RSPO2: variants seen among roughly 807,000 people sequenced by gnomAD.
RSPO2 encodes R-spondin-2.
RSPO2 carries 14 observed loss-of-function variants against 30.9 expected under a neutral mutation model. The ratio of observed to expected loss-of-function variants is 0.45; its 90% CI spans 0.30 to 0.71. RSPO2 has a LOEUF of 0.71. RSPO2 is among the 30% of genes least tolerant of loss of function. The pLI is 0.08. For synonymous variants in RSPO2, 107 were observed against 96.4 expected, an observed-to-expected ratio of 1.11 and a Z score of -0.64; for missense variants, 264 against 301.9, an observed-to-expected ratio of 0.87 and a Z score of 0.93.
At chr8:107,909,349 G>A (rs1249103224) in intron 5 of RSPO2, among the ~76,000 whole-genome samples, 43 of 141,366 alleles carry the variant, frequency 3.0e-4, no homozygotes, top group Admixed American at 2.0e-3. Context: ...TGCAACCTCC[G>A]CTTCCTGGCT....
intron 5 of RSPO2, among the ~76,000 whole-genome samples, chr8:107,948,314 G>A (rs1037849772): frequency 6.6e-6 from 1 of 152,154 alleles, no homozygotes; most frequent in South Asian, 2.1e-4. Context: ...ATGACAGATT[G>A]CTTAAATCCC....
At chr8:107,946,297 A>T (rs926163709) in intron 5 of RSPO2, among the ~76,000 whole-genome samples, 3 of 152,244 alleles carry the variant, frequency 2.0e-5, no homozygotes, top group Non-Finnish European at 4.4e-5. Flanking sequence ...TGGTTGGGCA[A>T]ATCTTCGACT....
intron 5 of RSPO2, among the ~76,000 whole-genome samples, chr8:107,915,668 G>A (rs750903663): frequency 1.3e-5 from 2 of 152,108 alleles, no homozygotes; most frequent in Non-Finnish European, 2.9e-5. Flanking sequence ...GTCTAACTCA[G>A]AGAACCCTCC....
intron 5 of RSPO2, among the ~76,000 whole-genome samples, chr8:107,950,016 T>C (rs1254764687): frequency 6.6e-6 from 1 of 152,176 alleles, no homozygotes; most frequent in Non-Finnish European, 1.5e-5. Context: ...GACGACATCG[T>C]CCACCATGTG....
intron 2 of RSPO2, among the ~76,000 whole-genome samples, chr8:108,000,621 G>A (rs1228133634): frequency 1.3e-5 from 2 of 151,984 alleles, no homozygotes; most frequent in African/African-American, 4.8e-5. Context: ...TGCCAAGCCA[G>A]TTCTATGCCC....
chr8:107,980,012 T>G (rs1365346279), intron 3 of RSPO2, among the ~76,000 whole-genome samples: 3 of 152,238 alleles, frequency 2.0e-5, no homozygotes, highest in Non-Finnish European at 4.4e-5. Flanking sequence ...TCTCACATTT[T>G]GCATTCCAAT....
intron 5 of RSPO2, among the ~76,000 whole-genome samples, chr8:107,946,207 A>G (rs1287033877): frequency 1.3e-5 from 2 of 152,250 alleles, no homozygotes; most frequent in Non-Finnish European, 2.9e-5. Context: ...TGAAGCAAGC[A>G]TCTGTTATCC....
At chr8:107,911,328 G>A (rs1329980486) in intron 5 of RSPO2, among the ~76,000 whole-genome samples, 3 of 152,140 alleles carry the variant, frequency 2.0e-5, no homozygotes, top group African/African-American at 7.2e-5. Context: ...TCACTCCCAG[G>A]CCTAACCTGG....
At chr8:107,931,867 A>G (rs1035496507) in intron 5 of RSPO2, among the ~76,000 whole-genome samples, 1 of 152,212 alleles carries the variant, frequency 6.6e-6, no homozygotes, top group African/African-American at 2.4e-5. Context: ...TAAGAATGAC[A>G]AAAGACAACC....
chr8:108,012,853 C>T (rs950743511), intron 2 of RSPO2, among the ~76,000 whole-genome samples: 10 of 152,150 alleles, frequency 6.6e-5, no homozygotes, highest in Non-Finnish European at 1.3e-4. Flanking sequence ...TTAAGGTTTT[C>T]AAGTTTTCAT....
At chr8:107,988,636 CTTT>C (rs1033293877) in intron 3 of RSPO2, among the ~76,000 whole-genome samples, 1 of 151,306 alleles carries the variant, frequency 6.6e-6, no homozygotes, top group African/African-American at 2.4e-5. Flanking sequence ...AGCTTAGACT[CTTT>C]TTTTTTGAGA....
intron 5 of RSPO2, among the ~76,000 whole-genome samples, chr8:107,908,575 TA>T (rs1563744398): frequency 2.0e-5 from 3 of 152,148 alleles, no homozygotes; most frequent in African/African-American, 7.2e-5. Flanking sequence ...GATGGTTTTT[TA>T]AAACAATGTA....
chr8:107,958,332 C>T, intron 4 of RSPO2, 64 bp from the exon 5 acceptor site: 1 of 1,317,608 alleles, frequency 7.6e-7, no homozygotes, highest in African/African-American at 1.5e-5. Flanking sequence ...CCATTTGCTT[C>T]ACTGTCATCA....
chr8:107,934,022 A>G lies in RSPO2; in HGVS notation c.616+24058T>C, dbSNP rs1812636925. Among the ~76,000 whole-genome samples, 4 of 152,344 alleles carry G rather than the reference A, an allele frequency of 2.6e-5. No homozygotes were observed. In the South Asian group the frequency reaches 8.3e-4, roughly 32 times the overall value. ...CACAAAAAAATGAAGTGCAACTTGT[A>G]AAGAAATGAAGGAGGAATCCTCCTC... On this transcript the variant is annotated intron_variant, in intron 5 of 5. Transcript: ENST00000276659.
At chr8:107,967,700 G>T (rs1277825128) in intron 3 of RSPO2, among the ~76,000 whole-genome samples, 3 of 152,138 alleles carry the variant, frequency 2.0e-5, no homozygotes, top group Non-Finnish European at 2.9e-5. Context: ...GCCTTAATTA[G>T]TTCAGATAGT....
At chr8:108,066,383 G>A (rs1812668051) in intron 2 of RSPO2, among the ~76,000 whole-genome samples, 1 of 152,102 alleles carries the variant, frequency 6.6e-6, no homozygotes, top group African/African-American at 2.4e-5. Context: ...ATTATCAGAA[G>A]ATGTCTAATT....
At chr8:107,949,018 G>A (rs1813157139) in intron 5 of RSPO2, among the ~76,000 whole-genome samples, 1 of 149,716 alleles carries the variant, frequency 6.7e-6, no homozygotes, top group South Asian at 2.1e-4. Context: ...ACCTGGGGAG[G>A]TTTTTCCCCC....
intron 2 of RSPO2, among the ~76,000 whole-genome samples, chr8:108,002,295 C>A (rs556750112): frequency 6.6e-6 from 1 of 152,142 alleles, no homozygotes; most frequent in Non-Finnish European, 1.5e-5. Flanking sequence ...GGGAGATAAT[C>A]CAATTATTTA....
intron 2 of RSPO2, among the ~76,000 whole-genome samples, chr8:107,991,292 G>A (rs1052069968): frequency 6.2e-4 from 76 of 123,442 alleles, no homozygotes; most frequent in Admixed American, 1.3e-3. Context: ...ACACACACAC[G>A]CAATGGGGAA....
Sources: allele counts gnomAD v4.1 joint callset (sites outside exome capture counted in the v4.1 genomes callset), GRCh38; gene constraint gnomAD v4.1.1; transcripts MANE v1.5; gene names NCBI Gene and HGNC (gene_info 2026-07-23, HGNC 2026-07-21).